CSMD1: variants seen among roughly 807,000 people sequenced by gnomAD.
CSMD1 encodes the protein CUB and Sushi multiple domains 1.
CSMD1 carries 213 observed loss-of-function variants against 417.5 expected under a neutral mutation model. The observed-to-expected ratio is 0.51, with a 90% CI of 0.46 to 0.57. The LOEUF (loss-of-function observed/expected upper bound fraction) is 0.57, where lower values mean the gene tolerates loss of function less well. Ranked by LOEUF, CSMD1 falls within the 20% of genes least tolerant of loss-of-function variation. The pLI, the probability that CSMD1 is intolerant of heterozygous loss-of-function variation, is 0.00. For synonymous variants in CSMD1, 2,862 were observed against 1,736.8 expected (o/e 1.65, Z -16.11); for missense variants, 6,923 against 4,529.7 (o/e 1.53, Z -15.17).
At chr8:3,948,706 GAA>G (rs1811407961) in intron 5 of CSMD1, among the ~76,000 whole-genome samples, 3 of 152,022 alleles carry the variant, frequency 2.0e-5, no homozygotes, top group Admixed American at 2.0e-4. Context: ...ACTTAATAAT[GAA>G]TAAAACCAAC....
At chr8:4,672,541 T>C (rs1043814832) in intron 1 of CSMD1, among the ~76,000 whole-genome samples, 8 of 152,244 alleles carry the variant, frequency 5.3e-5, no homozygotes, top group Admixed American at 2.0e-4. Context: ...GCACCTATAA[T>C]GTAAACAACC....
At chr8:3,089,447 A>T (rs989853631) in intron 48 of CSMD1, among the ~76,000 whole-genome samples, 2 of 152,214 alleles carry the variant, frequency 1.3e-5, no homozygotes, top group East Asian at 3.8e-4. Flanking sequence ...TGTCGTTTTT[A>T]ACTCGGATTT....
At chr8:3,649,732 T>C (rs1056709137) in intron 7 of CSMD1, among the ~76,000 whole-genome samples, 1 of 152,100 alleles carries the variant, frequency 6.6e-6, no homozygotes, top group African/African-American at 2.4e-5. Context: ...GAGATTTGAG[T>C]GGGGACACAA....
intron 1 of CSMD1, among the ~76,000 whole-genome samples, chr8:4,932,197 C>G (rs974995822): frequency 1.3e-5 from 2 of 151,076 alleles, no homozygotes; most frequent in African/African-American, 2.4e-5. Flanking sequence ...AAACTGTAAA[C>G]TTTGAATTTG....
chr8:4,412,054 C>G (rs928089495), intron 3 of CSMD1, among the ~76,000 whole-genome samples: 1 of 150,438 alleles, frequency 6.6e-6, no homozygotes, highest in African/African-American at 2.4e-5. Context: ...TCTCAATGTG[C>G]CTCTGATATA....
chr8:3,079,806 G>A (rs940942272), intron 49 of CSMD1, among the ~76,000 whole-genome samples: 1 of 151,686 alleles, frequency 6.6e-6, no homozygotes, highest in African/African-American at 2.4e-5. Flanking sequence ...GAGATAATGA[G>A]GCATTTTTTT....
chr8:3,002,604 G>C (rs1177971303), intron 52 of CSMD1, among the ~76,000 whole-genome samples: 1 of 152,186 alleles, frequency 6.6e-6, no homozygotes, highest in Non-Finnish European at 1.5e-5. Context: ...TCTCATTTTA[G>C]GGAATCTGTT....
chr8:3,515,033 T>C (rs60037335), intron 10 of CSMD1, among the ~76,000 whole-genome samples: 5,948 of 152,302 alleles, frequency 0.039, 333 homozygotes, highest in East Asian at 0.23. Context: ...AAATTTATAA[T>C]CCATCGACTA....
At chr8:3,035,550 C>T (rs892600326) in intron 50 of CSMD1, among the ~76,000 whole-genome samples, 1 of 152,100 alleles carries the variant, frequency 6.6e-6, no homozygotes, top group Non-Finnish European at 1.5e-5. Flanking sequence ...ATGAGTAACT[C>T]CAAGCATAGT....
At chr8:3,649,636 C>T (rs779839234) in intron 7 of CSMD1, among the ~76,000 whole-genome samples, 1 of 152,150 alleles carries the variant, frequency 6.6e-6, no homozygotes, top group Non-Finnish European at 1.5e-5. Flanking sequence ...ATGAGAACAG[C>T]ACGGAGAAAC....
intron 69 of CSMD1, among the ~76,000 whole-genome samples, chr8:2,940,054 C>G (rs771763402): frequency 6.6e-6 from 1 of 152,214 alleles, no homozygotes; most frequent in East Asian, 1.9e-4. Context: ...ATGCAAGCAA[C>G]AGACTCAGAA....
intron 3 of CSMD1, among the ~76,000 whole-genome samples, chr8:4,159,874 G>C (rs1380691809): frequency 1.3e-5 from 2 of 152,142 alleles, no homozygotes; most frequent in East Asian, 3.9e-4. Context: ...TCACCCATAA[G>C]TGCGAGCTAG....
At chr8:3,497,876 T>C (rs937807856) in intron 10 of CSMD1, among the ~76,000 whole-genome samples, 5 of 152,252 alleles carry the variant, frequency 3.3e-5, no homozygotes, top group African/African-American at 1.2e-4. Flanking sequence ...CATTTATTTG[T>C]CTGCTCTACC....
intron 1 of CSMD1, among the ~76,000 whole-genome samples, chr8:4,878,561 T>C (rs1803195331): frequency 1.3e-5 from 2 of 151,864 alleles, no homozygotes; most frequent in Non-Finnish European, 2.9e-5. Context: ...CAAAAGTCAA[T>C]AGAATACAAG....
intron 2 of CSMD1, among the ~76,000 whole-genome samples, chr8:4,542,629 A>G (rs1174605184): frequency 3.9e-5 from 6 of 152,214 alleles, no homozygotes; most frequent in African/African-American, 7.2e-5. Flanking sequence ...CTTTGCTCCA[A>G]TGCAAGAGAA....
intron 49 of CSMD1, among the ~76,000 whole-genome samples, chr8:3,073,493 T>C (rs1351493355): frequency 6.6e-6 from 1 of 152,206 alleles, no homozygotes; most frequent in Non-Finnish European, 1.5e-5. Context: ...AATACTTACA[T>C]GTATAAATGA....
At chr8:3,692,702 G>A (rs1486997235) in intron 7 of CSMD1, among the ~76,000 whole-genome samples, 1 of 152,064 alleles carries the variant, frequency 6.6e-6, no homozygotes, top group Non-Finnish European at 1.5e-5. Context: ...AGAAGTGCTG[G>A]GATTACAGGC....
intron 5 of CSMD1, among the ~76,000 whole-genome samples, chr8:3,947,013 C>G (rs1221925779): frequency 1.3e-5 from 2 of 152,088 alleles, no homozygotes; most frequent in Non-Finnish European, 2.9e-5. Context: ...TATTTCTAAT[C>G]TCTATGTCTG....
intron 1 of CSMD1, among the ~76,000 whole-genome samples, chr8:4,873,364 C>T (rs532717276): frequency 3.9e-5 from 6 of 152,166 alleles, no homozygotes; most frequent in Admixed American, 2.0e-4. Context: ...GAACATGACA[C>T]GCAGATCAGC....
Sources: allele counts gnomAD v4.1 joint callset (sites outside exome capture counted in the v4.1 genomes callset), GRCh38; gene constraint gnomAD v4.1.1; transcripts MANE v1.5; gene names NCBI Gene and HGNC (gene_info 2026-07-23, HGNC 2026-07-21).